Variants in NFIB observed in about 807,000 individuals in gnomAD.
NFIB encodes nuclear factor 1 B-type.
Under a neutral mutation model 61.5 loss-of-function variants are expected in NFIB, and 11 were observed. The ratio of observed to expected loss-of-function variants is 0.18; its 90% CI spans 0.11 to 0.30. The LOEUF is 0.30. NFIB is among the 10% of genes least tolerant of loss of function. The pLI, the probability that NFIB is intolerant of heterozygous loss-of-function variation, is 1.00. For missense variants in NFIB, 471 were observed against 608.9 expected, an observed-to-expected ratio of 0.77 and a Z score of 2.38; for synonymous variants, 260 against 216.5, an observed-to-expected ratio of 1.20 and a Z score of -1.76.
chr9:14,120,694 G>A lies in NFIB; in HGVS notation c.1061-70C>T. 2.8e-6 allele frequency: 4 copies of A among 1,431,832 alleles called. No homozygotes were observed. Among genetic ancestry groups the A allele is most frequent in the Non-Finnish European group, 3.7e-6 (4 of 1,070,538 alleles). The allele number at this position is 1,431,832 out of a possible 1,614,324, so 88.7% of individuals were successfully genotyped here. ...CTTATTGCTCCATTCTGATCCTGAA[G>A]AATGCTGTGAAACTACAAAACTGGT... On this transcript the variant is annotated intron_variant, in intron 7 of 10. Transcript: ENST00000380953. The surrounding 1 kb of genome is among the most constrained non-coding windows in gnomAD (Gnocchi z 4.4).
chr9:14,346,950 G>A (rs942939072), intron 1 of NFIB, among the ~76,000 whole-genome samples: 2 of 151,972 alleles, frequency 1.3e-5, no homozygotes, highest in African/African-American at 4.8e-5. Context: ...TTACTGTGAG[G>A]CCGAGCTCCC....
intron 2 of NFIB, among the ~76,000 whole-genome samples, chr9:14,184,338 C>T (rs924790519): frequency 2.0e-5 from 3 of 152,198 alleles, no homozygotes; most frequent in Non-Finnish European, 4.4e-5. Context: ...CTTCCCCTAA[C>T]CTCCCTCACC....
chr9:14,417,057 T>A, the NFIB span, among the ~76,000 whole-genome samples: 33 of 150,820 alleles, frequency 2.2e-4, no homozygotes, highest in African/African-American at 8.1e-4. Context: ...CACACCCGGC[T>A]AATTTTTTGT....
At chr9:14,362,557 A>T (rs1389192771) in intron 1 of NFIB, 1 of 152,182 alleles carries the variant, frequency 6.6e-6, no homozygotes, top group East Asian at 1.9e-4. Flanking sequence ...ATTCTTCAAG[A>T]AAAGGAAGAA....
rs567623076 is a variant in NFIB at position 14,361,697 on chromosome 9, A to G, written c.108+36827T>C. On this transcript the variant is annotated intron_variant, in intron 1 of 8. Coordinates refer to the NFIB transcript ENST00000380934. ...TTTTGGAAGATTAGGATCATTCAATATGAAGTTAAAAGAAAACATGAAAAA... is the reference window on the plus strand; with the variant it reads ...TTTTGGAAGATTAGGATCATTCAATGTGAAGTTAAAAGAAAACATGAAAAA... 6 of 152,370 alleles carry G rather than the reference A, an allele frequency of 3.9e-5. No homozygotes were observed. In the East Asian group the frequency reaches 1.2e-3, roughly 29 times the overall value. The allele number at this position is 152,370 out of a possible 1,614,324, so 9.4% of individuals were successfully genotyped here. A position where few individuals can be genotyped will look rare whatever the true frequency, so the allele number is the denominator to read the frequency against.
At chr9:14,218,684 T>A (rs748017324) in intron 2 of NFIB, among the ~76,000 whole-genome samples, 21 of 152,112 alleles carry the variant, frequency 1.4e-4, no homozygotes, top group Non-Finnish European at 2.9e-4. Context: ...CCAACCAGAT[T>A]TGGTTGGGGG....
the NFIB span, among the ~76,000 whole-genome samples, chr9:14,452,460 A>AGGAAAGGAAAGGAAAGGAAAGGAAG: frequency 2.5e-5 from 1 of 40,452 alleles, no homozygotes; most frequent in Non-Finnish European, 4.4e-5. Context: ...AGGAAAGGAA[A>AGGAAAGGAAAGGAAAGGAAAGGAAG]GGAAAGGAAA....
At chr9:14,301,764 G>A (rs2059764696) in intron 2 of NFIB, among the ~76,000 whole-genome samples, 2 of 152,172 alleles carry the variant, frequency 1.3e-5, no homozygotes, top group Admixed American at 6.5e-5. Flanking sequence ...GGCATAGAGG[G>A]TGAACTTCTG....
At chr9:14,428,105 C>G in the NFIB span, among the ~76,000 whole-genome samples, 1 of 151,448 alleles carries the variant, frequency 6.6e-6, no homozygotes, top group Non-Finnish European at 1.5e-5. Context: ...GCCACCGTAC[C>G]TCGCTAATTT....
At chr9:14,338,670 G>A (rs1304136069) in intron 1 of NFIB, among the ~76,000 whole-genome samples, 1 of 152,158 alleles carries the variant, frequency 6.6e-6, no homozygotes, top group Non-Finnish European at 1.5e-5. Context: ...GCTACCGTGT[G>A]ACTTGTGGTA....
chr9:14,414,705 T>C, the NFIB span, among the ~76,000 whole-genome samples: 1 of 152,052 alleles, frequency 6.6e-6, no homozygotes, highest in Non-Finnish European at 1.5e-5. Flanking sequence ...AAATGACAAT[T>C]TTGTTGTTAC....
At chr9:14,223,733 A>G (rs1487440051) in intron 2 of NFIB, among the ~76,000 whole-genome samples, 9 of 152,232 alleles carry the variant, frequency 5.9e-5, no homozygotes, top group Non-Finnish European at 1.3e-4. Flanking sequence ...GCAAACGCAG[A>G]AAAATCTTAT....
intron 2 of NFIB, among the ~76,000 whole-genome samples, chr9:14,291,479 A>G (rs1563981337): frequency 6.6e-6 from 1 of 152,168 alleles, no homozygotes. Flanking sequence ...AGACTCTGTA[A>G]AAGAATTTCT....
chr9:14,363,092 G>A (rs1405570067), intron 1 of NFIB, among the ~76,000 whole-genome samples: 1 of 152,100 alleles, frequency 6.6e-6, no homozygotes, highest in East Asian at 1.9e-4. Flanking sequence ...TCTACAAAAT[G>A]GGGATCTGCT....
intron 2 of NFIB, among the ~76,000 whole-genome samples, chr9:14,203,199 G>A (rs1290862485): frequency 3.3e-5 from 5 of 151,488 alleles, no homozygotes; most frequent in Admixed American, 6.6e-5. Flanking sequence ...TTTCAGTTAA[G>A]CCAGGCCCAT....
chr9:14,113,879 A>G (rs1050537009), intron 9 of NFIB, among the ~76,000 whole-genome samples: 1 of 152,054 alleles, frequency 6.6e-6, no homozygotes, highest in Admixed American at 6.5e-5. Context: ...GCTTTTTGGT[A>G]TAGAGTAAAT....
chr9:14,295,408 C>A (rs559225112), intron 2 of NFIB, among the ~76,000 whole-genome samples: 1 of 151,974 alleles, frequency 6.6e-6, no homozygotes, highest in Non-Finnish European at 1.5e-5. Flanking sequence ...GGGCAGATCA[C>A]GAGGTCAGGA....
chr9:14,310,861 G>A (rs574400999), intron 1 of NFIB, among the ~76,000 whole-genome samples: 4 of 152,042 alleles, frequency 2.6e-5, no homozygotes, highest in East Asian at 3.9e-4. Context: ...TTTTTCTTCC[G>A]TTTCCATGAA....
intron 2 of NFIB, among the ~76,000 whole-genome samples, chr9:14,194,723 T>C (rs2048298793): frequency 6.6e-6 from 1 of 152,098 alleles, no homozygotes; most frequent in South Asian, 2.1e-4. Context: ...CAAATTATGA[T>C]ATAATTTGGC....
Sources: allele counts gnomAD v4.1 joint callset (sites outside exome capture counted in the v4.1 genomes callset), GRCh38; gene constraint gnomAD v4.1.1; non-coding constraint Gnocchi (gnomAD v3.1); transcripts MANE v1.5; gene names NCBI Gene and HGNC (gene_info 2026-07-23, HGNC 2026-07-21).